The following PIK3R3 variants were observed in gnomAD, a reference collection of about 807,000 sequenced individuals.
PIK3R3 encodes phosphoinositide-3-kinase regulatory subunit 3, also known as phosphatidylinositol 3-kinase regulatory subunit gamma.
In PIK3R3, 64 loss-of-function variants were observed where a neutral mutation model predicts 62.9. That is an observed-to-expected ratio of 1.02 (90% CI 0.83 to 1.25). The LOEUF (loss-of-function observed/expected upper bound fraction) is 1.25, where lower values mean the gene tolerates loss of function less well. Ranked by LOEUF, PIK3R3 falls within the 50% of genes most tolerant of loss-of-function variation. The pLI is 0.00. For synonymous variants in PIK3R3, 165 were observed against 189.0 expected (o/e 0.87, Z 1.04); for missense variants, 614 against 561.6 (o/e 1.09, Z -0.94).
At chr1:46,149,407 G>A in the PIK3R3 span, among the ~76,000 whole-genome samples, 8 of 116,730 alleles carry the variant, frequency 6.9e-5, no homozygotes, top group Admixed American at 8.4e-4. Flanking sequence ...GGGCGACAGA[G>A]CAAGACTCTG....
chr1:46,119,508 G>C (rs997357423), intron 1 of PIK3R3, among the ~76,000 whole-genome samples: 1 of 152,134 alleles, frequency 6.6e-6, no homozygotes, highest in African/African-American at 2.4e-5. Context: ...TCTGATTCCA[G>C]AGACCCCTCT....
the PIK3R3 span, among the ~76,000 whole-genome samples, chr1:46,147,661 G>A: frequency 1.3e-5 from 2 of 151,882 alleles, no homozygotes; most frequent in Admixed American, 6.6e-5. Context: ...TCCTGACCTC[G>A]TGATCCGCCC....
At chr1:46,149,633 C>T in the PIK3R3 span, among the ~76,000 whole-genome samples, 3 of 152,032 alleles carry the variant, frequency 2.0e-5, no homozygotes, top group East Asian at 2.0e-4. Context: ...TGGGTCTAAG[C>T]GATTCTCTTG....
At chr1:46,130,552 CACTG>C (rs563955235) in intron 1 of PIK3R3, among the ~76,000 whole-genome samples, 14 of 148,678 alleles carry the variant, frequency 9.4e-5, no homozygotes, top group East Asian at 1.9e-4. Context: ...CACCATTTAA[CACTG>C]ACTAATTGAA....
chr1:46,098,850 G>A (rs1004894383), intron 1 of PIK3R3, among the ~76,000 whole-genome samples: 2 of 146,586 alleles, frequency 1.4e-5, no homozygotes, highest in East Asian at 2.0e-4. Context: ...ACAGGCACAC[G>A]ACACCATGCT....
At chr1:46,064,470 G>A (rs1307127486) in intron 5 of PIK3R3, among the ~76,000 whole-genome samples, 3 of 152,118 alleles carry the variant, frequency 2.0e-5, no homozygotes, top group Non-Finnish European at 4.4e-5. Context: ...GAACCCGGGA[G>A]GCGGAGGTTG....
At chr1:46,149,401 G>A in the PIK3R3 span, among the ~76,000 whole-genome samples, 6 of 122,230 alleles carry the variant, frequency 4.9e-5, no homozygotes, top group East Asian at 2.4e-4. Flanking sequence ...CAGCCTGGGC[G>A]ACAGAGCAAG....
chr1:46,096,382 T>C (rs1338582895), intron 1 of PIK3R3, among the ~76,000 whole-genome samples: 1 of 152,190 alleles, frequency 6.6e-6, no homozygotes, highest in Non-Finnish European at 1.5e-5. Context: ...CCATAGTCTC[T>C]CTCATCTCTA....
At chr1:46,132,763 C>G (rs952129547), upstream of PIK3R3, 3 of 1,279,680 alleles carry the variant, frequency 2.3e-6, no homozygotes, top group East Asian at 1.1e-4. Flanking sequence ...GCCCCTTCCA[C>G]GCCGTCCCGC....
rs751601128 is a variant in PIK3R3 at position 46,043,849 on chromosome 1, A to G, written c.1210T>C (p.Cys404Arg). 1 of 1,613,916 alleles carries G rather than the reference A, an allele frequency of 6.2e-7. No individual in the cohort carries two copies. Among genetic ancestry groups the G allele is most frequent in the Non-Finnish European group, 8.5e-7 (1 of 1,179,888 alleles). ...CCCCGAGCAGTGCTGTAGATCACAC[A>G]GTGCTTCACTTCCCCATCGGCCCTG... ...SVVADGEVKH[C>R]VIYSTARGYG... The change falls in exon 10 of 10, where the codon TGT becomes CGT. Residue 404 changes from cysteine (C) to arginine (R), a missense_variant. By Grantham distance (180) the Cys-to-Arg change is radical. Transcript: ENST00000262741.
intron 1 of PIK3R3, among the ~76,000 whole-genome samples, chr1:46,081,499 C>T (rs2149415218): frequency 6.6e-6 from 1 of 152,128 alleles, no homozygotes; most frequent in East Asian, 1.9e-4. Flanking sequence ...GTGAACTGCA[C>T]ATGTGAGGGA....
At chr1:46,168,402 G>A in the PIK3R3 span, among the ~76,000 whole-genome samples, 1 of 152,156 alleles carries the variant, frequency 6.6e-6, no homozygotes, top group African/African-American at 2.4e-5. Flanking sequence ...GAGTGTTGGG[G>A]ACAGCAGTGG....
At chr1:46,108,528 A>G (rs1265774273) in intron 1 of PIK3R3, among the ~76,000 whole-genome samples, 1 of 152,210 alleles carries the variant, frequency 6.6e-6, no homozygotes, top group Non-Finnish European at 1.5e-5. Flanking sequence ...CCTCAGGATC[A>G]GTGACCTTTT....
chr1:46,055,582 A>G (rs1647808129), intron 7 of PIK3R3, among the ~76,000 whole-genome samples: 1 of 152,234 alleles, frequency 6.6e-6, no homozygotes, highest in Non-Finnish European at 1.5e-5. Flanking sequence ...GTATGGATCA[A>G]GAGTCCTACA....
intron 1 of PIK3R3, among the ~76,000 whole-genome samples, chr1:46,081,888 A>C (rs1237093284): frequency 6.6e-6 from 1 of 152,210 alleles, no homozygotes; most frequent in Non-Finnish European, 1.5e-5. Context: ...AGCGAACTGG[A>C]AGGGGCTCTC....
intron 1 of PIK3R3, among the ~76,000 whole-genome samples, chr1:46,102,973 G>A (rs895080945): frequency 1.3e-5 from 2 of 152,120 alleles, no homozygotes; most frequent in Non-Finnish European, 1.5e-5. Context: ...ATACATAAAG[G>A]GAATATTATT....
chr1:46,112,486 T>C (rs201732025), intron 1 of PIK3R3, among the ~76,000 whole-genome samples: 4 of 152,322 alleles, frequency 2.6e-5, no homozygotes, highest in South Asian at 2.1e-4. Flanking sequence ...TTACTATATA[T>C]TGACAAACTT....
rs1400804231 is a variant in PIK3R3, at chr1:46,067,053, C to T, written c.353G>A (p.Arg118Gln). 7.5e-6 allele frequency: 12 copies of T among 1,595,850 alleles called. No individual in the cohort carries two copies. The highest frequency in any genetic ancestry group is 4.6e-5 in the East Asian group (2 of 43,216). ...GNNKLIKIYHRDGKYGFSDPL... is the reference protein window; with the variant it reads ...GNNKLIKIYHQDGKYGFSDPL... Reference sequence around the variant, plus strand: ...ATCAGAAAAGCCATATTTACCATCCCGGTGATAGATCTTTATTAACTTATT... The same window carrying T: ...ATCAGAAAAGCCATATTTACCATCCTGGTGATAGATCTTTATTAACTTATT... Residue 118 changes from arginine (R) to glutamine (Q), a missense_variant, in exon 4 of 10, where the codon CGG (arginine) becomes CAG (glutamine). Physicochemically the swap from Arg to Gln is conservative, Grantham distance 43. Coordinates refer to ENST00000262741, the MANE Select transcript of PIK3R3 (RefSeq NM_003629.4).
intron 6 of PIK3R3, among the ~76,000 whole-genome samples, chr1:46,059,081 A>G (rs1648223546): frequency 6.6e-6 from 1 of 152,162 alleles, no homozygotes; most frequent in Non-Finnish European, 1.5e-5. Flanking sequence ...GTTTCACGAG[A>G]TCTGATGGTT....
Sources: gnomAD v4.1 joint callset for allele counts (sites outside exome capture counted in the v4.1 genomes callset) on GRCh38, gnomAD v4.1.1 for gene constraint, MANE v1.5 for transcripts, NCBI Gene and HGNC (gene_info 2026-07-23, HGNC 2026-07-21) for gene names.